VWA8: variants seen among roughly 807,000 people sequenced by gnomAD.
The protein encoded by VWA8 is von Willebrand factor A domain-containing protein 8.
A neutral mutation model predicts 241.5 loss-of-function variants in VWA8; 221 were observed. The ratio of observed to expected loss-of-function variants is 0.91; its 90% CI spans 0.82 to 1.02. VWA8 has a LOEUF of 1.02. VWA8 is among the 50% of genes least tolerant of loss of function. The pLI, the probability that VWA8 is intolerant of heterozygous loss-of-function variation, is 0.00. For missense variants in VWA8, 2,322 were observed against 2,328.7 expected (o/e 1.00, Z 0.06); for synonymous variants, 852 against 827.1 (o/e 1.03, Z -0.52).
chr13:41,945,958 C>T (rs182248100), intron 2 of VWA8, among the ~76,000 whole-genome samples: 34 of 152,166 alleles, frequency 2.2e-4, no homozygotes, highest in Admixed American at 2.2e-3. Flanking sequence ...AAGAAATCTG[C>T]ACTTAGACAC....
chr13:41,816,927 A>G (rs1566468858), intron 15 of VWA8, 152 bp from the exon 16 acceptor site: 1 of 648,656 alleles, frequency 1.5e-6, no homozygotes, highest in Non-Finnish European at 2.6e-6. Context: ...TTATGGATAA[A>G]GTTGCTTATT....
intron 10 of VWA8, among the ~76,000 whole-genome samples, chr13:41,866,375 A>ATGTG (rs1389908866): frequency 2.1e-5 from 3 of 145,768 alleles, no homozygotes; most frequent in Admixed American, 1.4e-4. Context: ...ATATATATAT[A>ATGTG]TGTGTGTGTG....
chr13:41,742,968 C>T (rs1385491344), intron 21 of VWA8, among the ~76,000 whole-genome samples: 1 of 152,172 alleles, frequency 6.6e-6, no homozygotes, highest in African/African-American at 2.4e-5. Flanking sequence ...TAGAGGAAAA[C>T]ACTTTGATTT....
At chr13:41,647,951 T>C (rs2044842631) in intron 37 of VWA8, among the ~76,000 whole-genome samples, 1 of 151,902 alleles carries the variant, frequency 6.6e-6, no homozygotes, top group Non-Finnish European at 1.5e-5. Context: ...ATCGCACCAC[T>C]GCACTCTAGC....
rs142147285 is a variant in VWA8, at chr13:41,896,002, A to G, written c.484-4415T>C. Among the ~76,000 whole-genome samples, 698 of 152,166 alleles carry G rather than the reference A, an allele frequency of 4.6e-3. 17 individuals are homozygous for G. Among genetic ancestry groups the G allele is most frequent in the Admixed American group, 0.041 (629 of 15,288 alleles). The stretch of plus-strand genomic sequence containing the variant: ...ATAATCCATTAGACAAATTGCCAGG[A>G]AAATTCTGTAAAAGAAGAGCAATTA... On this transcript the variant is annotated intron_variant, in intron 4 of 44. Coordinates refer to ENST00000379310, the MANE Select transcript of VWA8 (RefSeq NM_015058.2).
chr13:41,665,344 C>T (rs1185727540), intron 37 of VWA8, among the ~76,000 whole-genome samples: 1 of 151,994 alleles, frequency 6.6e-6, no homozygotes, highest in Non-Finnish European at 1.5e-5. Flanking sequence ...GAAAGTGAGG[C>T]TTTGAAAGAA....
chr13:41,924,183 T>C (rs1190779645), intron 2 of VWA8, among the ~76,000 whole-genome samples: 1 of 151,634 alleles, frequency 6.6e-6, no homozygotes, highest in Non-Finnish European at 1.5e-5. Context: ...ATTTATAACC[T>C]CAGAGATTCA....
chr13:41,811,158 T>C, intron 17 of VWA8, 67 bp downstream of exon 17: 1 of 1,377,748 alleles, frequency 7.3e-7, no homozygotes, highest in Non-Finnish European at 1.0e-6. Context: ...GCACCATCAG[T>C]TAAACTTATC....
chr13:41,686,733 C>G (rs1359774392), intron 34 of VWA8, among the ~76,000 whole-genome samples: 1 of 152,102 alleles, frequency 6.6e-6, no homozygotes, highest in Non-Finnish European at 1.5e-5. Flanking sequence ...TTGCTCAAGT[C>G]CACTGTATGT....
chr13:41,840,444 T>C (rs1871944200), intron 12 of VWA8, among the ~76,000 whole-genome samples: 1 of 151,900 alleles, frequency 6.6e-6, no homozygotes, highest in Admixed American at 6.6e-5. Context: ...TCTGCACATG[T>C]ATCCCAGAAC....
chr13:41,900,687 C>A (rs1162320507), intron 4 of VWA8, among the ~76,000 whole-genome samples: 6 of 151,700 alleles, frequency 4.0e-5, no homozygotes, highest in Non-Finnish European at 7.4e-5. Flanking sequence ...CAAAGCAGTA[C>A]TGCAAAAAAA....
chr13:41,600,751 C>T (rs2044516019), intron 40 of VWA8, among the ~76,000 whole-genome samples: 1 of 152,122 alleles, frequency 6.6e-6, no homozygotes, highest in South Asian at 2.1e-4. Context: ...CTGTCCTCTT[C>T]CTGTGTCTCT....
intron 42 of VWA8, among the ~76,000 whole-genome samples, chr13:41,576,078 A>C (rs1031420038): frequency 1.7e-4 from 26 of 152,190 alleles, no homozygotes; most frequent in African/African-American, 6.0e-4. Context: ...CAGAGTCTGG[A>C]AAAAAAGTCT....
Position 41,793,152 on chromosome 13 carries a change from C to T in VWA8, c.2064-5609G>A, listed in dbSNP as rs1869531327. 3.3e-5 allele frequency among the ~76,000 whole-genome samples: 5 copies of T among 152,198 alleles called. No individual in the cohort carries two copies. The South Asian group carries it at 1.0e-3, about 32-fold the overall frequency. On this transcript the variant is annotated intron_variant, in intron 17 of 44. Transcript: ENST00000379310. ...GAATTTCCTTTCTGCTTGTAGTTTA[C>T]TAAGAATATTCCAGATTTACTAAGT...
At chr13:41,673,414 T>C (rs1229104678) in intron 36 of VWA8, among the ~76,000 whole-genome samples, 1 of 152,166 alleles carries the variant, frequency 6.6e-6, no homozygotes, top group East Asian at 1.9e-4. Flanking sequence ...TTGGATTTTA[T>C]ACATATGTCA....
intron 1 of VWA8, among the ~76,000 whole-genome samples, chr13:41,956,056 C>T (rs998262744): frequency 6.6e-6 from 1 of 152,166 alleles, no homozygotes; most frequent in Admixed American, 6.5e-5. Context: ...TTTAGTGAGT[C>T]TAAAGTTTCT....
chr13:41,931,718 C>G (rs1877133117), intron 2 of VWA8, among the ~76,000 whole-genome samples: 1 of 151,016 alleles, frequency 6.6e-6, no homozygotes, highest in South Asian at 2.1e-4. Flanking sequence ...AAAAAACTAA[C>G]ACATGGGCAA....
chr13:41,645,692 C>T (rs979023096), intron 37 of VWA8, among the ~76,000 whole-genome samples: 3 of 152,110 alleles, frequency 2.0e-5, no homozygotes, highest in Admixed American at 6.5e-5. Flanking sequence ...GAAATGGATA[C>T]CTTAAAAAAA....
In VWA8 at chr13:41,885,932, C is replaced by T. The variant is rs571437401; in HGVS notation, c.963G>A (p.Ala321=). 28 of 1,581,640 alleles carry T rather than the reference C, an allele frequency of 1.8e-5. No individual in the cohort carries two copies. The highest frequency in any genetic ancestry group is 6.0e-5 in the Admixed American group (3 of 50,128). The change falls in exon 8 of 45, where the codon GCG becomes GCA. Residue 321 remains alanine (A), a synonymous_variant. Coordinates refer to ENST00000379310, the MANE Select transcript of VWA8 (RefSeq NM_015058.2). ...TTATTTTACTTACCAAGATTTGAAC[C>T]GCAGCTGCTAAACTATCTAAAGGAA... ...PDFPLDSLAA[A]VQILDSFPMM...
Sources: gnomAD v4.1 joint callset for allele counts (sites outside exome capture counted in the v4.1 genomes callset) on GRCh38, gnomAD v4.1.1 for gene constraint, MANE v1.5 for transcripts, NCBI Gene and HGNC (gene_info 2026-07-23, HGNC 2026-07-21) for gene names.